The following ZSCAN5A variants were observed in gnomAD, a reference collection of about 807,000 sequenced individuals.
ZSCAN5A encodes the protein zinc finger and SCAN domain containing 5A.
Under a neutral mutation model 23.7 loss-of-function variants are expected in ZSCAN5A, and 12 were observed. The ratio of observed to expected loss-of-function variants is 0.51; its 90% CI spans 0.32 to 0.82. The LOEUF is 0.82. Among genes scored for constraint, ZSCAN5A ranks in the 40% least tolerant of loss-of-function variants. The probability of loss-of-function intolerance (pLI) is 0.03; values close to 1 mark genes in which losing one functional copy is unlikely to be tolerated. For synonymous variants in ZSCAN5A, 257 were observed against 239.9 expected, an observed-to-expected ratio of 1.07 and a Z score of -0.66; for missense variants, 597 against 617.9, an observed-to-expected ratio of 0.97 and a Z score of 0.36.
At chr19:56,331,466 AT>A (rs914075022) in intron 2 of ZSCAN5A, among the ~76,000 whole-genome samples, 3 of 118,542 alleles carry the variant, frequency 2.5e-5, no homozygotes, top group Non-Finnish European at 5.2e-5. Context: ...GTCATCTATT[AT>A]TTTTTTCAGC....
intron 2 of ZSCAN5A, among the ~76,000 whole-genome samples, chr19:56,276,399 T>C (rs1240091250): frequency 6.6e-6 from 1 of 152,048 alleles, no homozygotes; most frequent in Non-Finnish European, 1.5e-5. Flanking sequence ...CAGATCTCCA[T>C]TAGAATAACA....
chr19:56,247,405 AAGTG>A, intron 2 of ZSCAN5A: 1 of 188,976 alleles, frequency 5.3e-6, no homozygotes, highest in Non-Finnish European at 1.1e-5. Flanking sequence ...TAAATGTCCC[AAGTG>A]TCTAAGAGCC....
chr19:56,254,818 T>C (rs1397575093), intron 2 of ZSCAN5A, among the ~76,000 whole-genome samples: 1 of 152,178 alleles, frequency 6.6e-6, no homozygotes, highest in African/African-American at 2.4e-5. Flanking sequence ...TTTTCTTGTG[T>C]CTGTTGGCCA....
chr19:56,361,043 T>G (rs1378759956), intron 2 of ZSCAN5A, among the ~76,000 whole-genome samples: 1 of 151,888 alleles, frequency 6.6e-6, no homozygotes, highest in African/African-American at 2.4e-5. Flanking sequence ...CAGACACTTC[T>G]TAGAAGAAGA....
intron 2 of ZSCAN5A, among the ~76,000 whole-genome samples, chr19:56,232,836 G>T (rs551792552): frequency 2.0e-5 from 3 of 152,026 alleles, no homozygotes; most frequent in African/African-American, 7.2e-5. Flanking sequence ...GCACCACCAG[G>T]CCTGGCTAAT....
intron 2 of ZSCAN5A, among the ~76,000 whole-genome samples, chr19:56,284,703 T>A (rs1568694381): frequency 6.6e-6 from 1 of 151,834 alleles, no homozygotes; most frequent in African/African-American, 2.4e-5. Flanking sequence ...TTAGTAGAAA[T>A]GGGTTTGGCC....
At chr19:56,293,729 T>C (rs1289124060) in intron 2 of ZSCAN5A, among the ~76,000 whole-genome samples, 3 of 152,086 alleles carry the variant, frequency 2.0e-5, no homozygotes, top group Admixed American at 6.5e-5. Flanking sequence ...CACCTGGCAA[T>C]GCCTAGAGAT....
At chr19:56,223,957 T>A (rs2033618977) in intron 3 of ZSCAN5A, 123 bp from the exon 4 acceptor site, 1 of 915,270 alleles carries the variant, frequency 1.1e-6, no homozygotes, top group African/African-American at 1.7e-5. Flanking sequence ...GCCTTCCCAA[T>A]AGAGAGTCAG....
chr19:56,221,565 G>C lies in ZSCAN5A; in HGVS notation c.*10C>G, dbSNP rs761391841. The C allele has an allele frequency of 6.3e-6, 10 of 1,581,622 alleles. No individual in the cohort carries two copies. The highest frequency in any genetic ancestry group is 2.7e-5 in the African/African-American group (2 of 73,332). ...TTCTTGGTGCAGAAGGCATAGACCG[G>C]ATTATGCAATCACTGAGAAGTAGCT... On this transcript the variant is annotated 3_prime_UTR_variant, in exon 6 of 6. Coordinates refer to ENST00000683990, the MANE Select transcript of ZSCAN5A (RefSeq NM_001322064.3).
At chr19:56,302,150 G>T in intron 2 of ZSCAN5A, 1 of 1,199,448 alleles carries the variant, frequency 8.3e-7, no homozygotes, top group Non-Finnish European at 1.0e-6. Flanking sequence ...GGAAAGAGGA[G>T]GGAAGTGGGG....
chr19:56,346,032 A>T (rs1055406514), intron 2 of ZSCAN5A, among the ~76,000 whole-genome samples: 2 of 152,134 alleles, frequency 1.3e-5, no homozygotes, highest in South Asian at 4.1e-4. Flanking sequence ...ACCTCAGACT[A>T]TGATAAACTA....
intron 2 of ZSCAN5A, among the ~76,000 whole-genome samples, chr19:56,293,166 T>C (rs2039632282): frequency 6.6e-6 from 1 of 152,156 alleles, no homozygotes; most frequent in South Asian, 2.1e-4. Flanking sequence ...TGAAAAATGG[T>C]ATCCTGCAGC....
intron 2 of ZSCAN5A, chr19:56,322,197 A>T (rs1014473515): frequency 1.2e-6 from 1 of 837,224 alleles, no homozygotes; most frequent in African/African-American, 1.7e-5. Context: ...GCTTCAACAT[A>T]GACCAGGCTC....
intron 2 of ZSCAN5A, among the ~76,000 whole-genome samples, chr19:56,273,476 T>C (rs1266336870): frequency 3.6e-5 from 3 of 84,070 alleles, no homozygotes; most frequent in Non-Finnish European, 9.6e-5. Context: ...AAAATAGTTC[T>C]GTCTTCATGG....
chr19:56,276,433 C>G (rs1020730188), intron 2 of ZSCAN5A, among the ~76,000 whole-genome samples: 1 of 151,210 alleles, frequency 6.6e-6, no homozygotes, highest in African/African-American at 2.4e-5. Context: ...TTAACACCAG[C>G]TGGTGGTTTG....
intron 2 of ZSCAN5A, among the ~76,000 whole-genome samples, chr19:56,249,359 C>T (rs1249173007): frequency 1.3e-5 from 2 of 152,218 alleles, no homozygotes; most frequent in African/African-American, 4.8e-5. Flanking sequence ...CCAACCTCCA[C>T]CTCCCGGGTT....
intron 2 of ZSCAN5A, among the ~76,000 whole-genome samples, chr19:56,330,721 T>C (rs2041481189): frequency 6.6e-6 from 1 of 152,226 alleles, no homozygotes; most frequent in Non-Finnish European, 1.5e-5. Flanking sequence ...ATGTTGATTC[T>C]GAATATTAGA....
chr19:56,302,443 T>A (rs980222189), intron 2 of ZSCAN5A, among the ~76,000 whole-genome samples: 1 of 133,666 alleles, frequency 7.5e-6, no homozygotes, highest in African/African-American at 2.9e-5. Context: ...TTCCTTCCTT[T>A]CTTCCTCTCT....
At chr19:56,251,263 CATG>C (rs1282856570) in intron 2 of ZSCAN5A, among the ~76,000 whole-genome samples, 1 of 151,990 alleles carries the variant, frequency 6.6e-6, no homozygotes, top group Admixed American at 6.6e-5. Context: ...TGCCTTTCTC[CATG>C]ATGTTTAATT....
Sources: allele counts gnomAD v4.1 joint callset (sites outside exome capture counted in the v4.1 genomes callset), GRCh38; gene constraint gnomAD v4.1.1; transcripts MANE v1.5; gene names NCBI Gene and HGNC (gene_info 2026-07-23, HGNC 2026-07-21).